The following NUDT5 variants were observed in gnomAD, a reference collection of about 807,000 sequenced individuals.
The protein encoded by NUDT5 is ADP-sugar pyrophosphatase.
A neutral mutation model predicts 34.1 loss-of-function variants in NUDT5; 21 were observed. The ratio of observed to expected loss-of-function variants is 0.62; its 90% confidence interval spans 0.44 to 0.89. The LOEUF is 0.89. Ranked by LOEUF, NUDT5 falls within the 40% of genes least tolerant of loss-of-function variation. The pLI is 0.00. For missense variants in NUDT5, 249 were observed against 274.8 expected, an observed-to-expected ratio of 0.91 and a Z score of 0.66; for synonymous variants, 85 against 97.6, an observed-to-expected ratio of 0.87 and a Z score of 0.76.
rs1158426007 is a variant in NUDT5, at chr10:12,175,014, G to A, written c.290-1201C>T. On this transcript the variant is annotated intron_variant, in intron 5 of 9. Coordinates refer to ENST00000491614, the MANE Select transcript of NUDT5 (RefSeq NM_014142.4). The surrounding 1 kb of genome is among the most constrained non-coding windows in gnomAD (Gnocchi z 4.8). Reference sequence around the variant, plus strand: ...AGCAGCAACGCAGACTCTTTTTCCTGAAAGGAATTAAAAAATATAATAAGG... The same window carrying A: ...AGCAGCAACGCAGACTCTTTTTCCTAAAAGGAATTAAAAAATATAATAAGG... Among the ~76,000 whole-genome samples, 1 of 152,138 alleles carries A rather than the reference G, an allele frequency of 6.6e-6. No individual in the cohort carries two copies. Among genetic ancestry groups the A allele is most frequent in the Non-Finnish European group, 1.5e-5 (1 of 68,022 alleles).
chr10:12,176,908 G>C (rs1158600504), intron 5 of NUDT5, among the ~76,000 whole-genome samples: 1 of 151,864 alleles, frequency 6.6e-6, no homozygotes, highest in African/African-American at 2.4e-5. Context: ...GATCACCTGA[G>C]GTCAGGAGTT....
At chr10:12,194,694 A>G (rs1835299181) in intron 1 of NUDT5, among the ~76,000 whole-genome samples, 1 of 152,232 alleles carries the variant, frequency 6.6e-6, no homozygotes, top group African/African-American at 2.4e-5. Context: ...ATAATTGTTT[A>G]TTATTCTAAG....
At chr10:12,172,174 G>A (rs1446911355) in intron 7 of NUDT5, among the ~76,000 whole-genome samples, 2 of 152,282 alleles carry the variant, frequency 1.3e-5, no homozygotes, top group Admixed American at 6.5e-5. Context: ...GAGACAACAC[G>A]GAATTGACAG....
At position 12,166,611 on chromosome 10, in the gene NUDT5, A is replaced by G. The variant is rs2131690557; in HGVS notation, c.*1091T>C. 2.6e-6 allele frequency: 1 copy of G among 389,480 alleles called. No individual in the cohort carries two copies. The highest frequency in any genetic ancestry group is 5.3e-6 in the Non-Finnish European group (1 of 190,354). 24.1% of individuals were successfully genotyped at this position (389,480 alleles called of 1,614,324 possible). ...GATTTTATCTGGAGAGCCCTTTCAT[A>G]TGGTTCTCAGGGCCTGGCTTACCCG... On this transcript the variant is annotated 3_prime_UTR_variant, in exon 10 of 10. Coordinates refer to ENST00000491614, the MANE Select transcript of NUDT5 (RefSeq NM_014142.4).
At chr10:12,190,781 G>A (rs1835210616) in intron 1 of NUDT5, among the ~76,000 whole-genome samples, 1 of 151,522 alleles carries the variant, frequency 6.6e-6, no homozygotes, top group South Asian at 2.1e-4. Context: ...GCTGATTTTT[G>A]CATTTTTAGT....
At chr10:12,172,415 C>A in intron 7 of NUDT5, 1 of 273,794 alleles carries the variant, frequency 3.7e-6, no homozygotes, top group Non-Finnish European at 7.1e-6. Context: ...GGAACTTAGG[C>A]CATTCTTAAA....
intron 1 of NUDT5, among the ~76,000 whole-genome samples, chr10:12,191,104 C>T (rs1020125438): frequency 6.6e-6 from 1 of 152,250 alleles, no homozygotes; most frequent in Admixed American, 6.5e-5. Flanking sequence ...AAAGGAAAGG[C>T]CGGGCACAGT....
chr10:12,173,727 A>G lies in NUDT5; in HGVS notation c.376T>C (p.Cys126Arg), dbSNP rs762764706. The part of the protein sequence containing the change: ...ETGYKGDIAE[C>R]SPAVCMDPGL... ...TTCAAGCAATACCAACCTGGAGAACATTCGGCAATGTCCCCTTTGTAGCCA... is the reference window on the plus strand; with the variant it reads ...TTCAAGCAATACCAACCTGGAGAACGTTCGGCAATGTCCCCTTTGTAGCCA... Residue 126 changes from cysteine to arginine, a missense_variant, in exon 6 of 10, where the codon TGT (cysteine) becomes CGT (arginine). Coordinates refer to ENST00000491614, the MANE Select transcript of NUDT5 (RefSeq NM_014142.4). The surrounding 1 kb of genome is among the most constrained non-coding windows in gnomAD (Gnocchi z 4.7). 4 of 1,613,258 alleles carry G rather than the reference A, an allele frequency of 2.5e-6. No homozygotes were observed. In the African/African-American group the frequency reaches 4.0e-5, roughly 16 times the overall value.
In NUDT5 at chr10:12,182,705, G is replaced by A. The variant is rs542092577; in HGVS notation, c.131+2184C>T. 5.3e-5 allele frequency among the ~76,000 whole-genome samples: 8 copies of A among 152,234 alleles called. No homozygotes were observed. The highest frequency in any genetic ancestry group is 4.2e-4 in the South Asian group (2 of 4,816). On this transcript the variant is annotated intron_variant, in intron 3 of 9. Coordinates refer to ENST00000491614, the MANE Select transcript of NUDT5 (RefSeq NM_014142.4). The surrounding 1 kb of genome is among the most constrained non-coding windows in gnomAD (Gnocchi z 4.3). ...AGGAAGGGCAGAAGACCAGTCAGGC[G>A]AAGAGATGAGCTGGCGCGAACACAT... is the stretch of plus-strand genomic sequence containing the variant.
chr10:12,193,662 G>C (rs75778849), intron 1 of NUDT5, among the ~76,000 whole-genome samples: 3,910 of 152,156 alleles, frequency 0.026, 169 homozygotes, highest in African/African-American at 0.09. Flanking sequence ...TTTGATGCTG[G>C]TTAAATGTGT....
At chr10:12,184,348 A>C in intron 3 of NUDT5, 2 of 418,586 alleles carry the variant, frequency 4.8e-6, no homozygotes, top group Admixed American at 4.8e-5. Context: ...GGCGTGAGCC[A>C]ACACACCTGG....
At position 12,166,429 on chromosome 10, in the gene NUDT5, C is replaced by G. The variant is rs546571044; in HGVS notation, c.*1273G>C. 4.6e-6 allele frequency: 1 copy of G among 218,798 alleles called. No homozygotes were observed. Among genetic ancestry groups the G allele is most frequent in the Non-Finnish European group, 9.5e-6 (1 of 105,640 alleles). The allele number at this position is 218,798 out of a possible 1,614,324, so 13.6% of individuals were successfully genotyped here. A position where few individuals can be genotyped will look rare whatever the true frequency, so the allele number is the denominator to read the frequency against. On this transcript the variant is annotated 3_prime_UTR_variant, in exon 10 of 10. Transcript: ENST00000491614. ...TAATTTTCACATGTATAGGGCTAGACAGCTTCATCTGTAAAGTTCTGTATT... is the reference window on the plus strand; with the variant it reads ...TAATTTTCACATGTATAGGGCTAGAGAGCTTCATCTGTAAAGTTCTGTATT...
At chr10:12,186,752 C>T (rs1443376316) in intron 1 of NUDT5, among the ~76,000 whole-genome samples, 2 of 151,660 alleles carry the variant, frequency 1.3e-5, no homozygotes, top group Non-Finnish European at 2.9e-5. Context: ...CTCAGCCTCC[C>T]GAGTAGCTGG....
rs567207328 is a variant in NUDT5 at position 12,177,475 on chromosome 10, T to C, written c.289+318A>G. 1.3e-3 allele frequency among the ~76,000 whole-genome samples: 196 copies of C among 150,300 alleles called. 2 individuals carry two copies. The highest frequency in any genetic ancestry group is 3.4e-3 in the African/African-American group (139 of 40,946). On this transcript the variant is annotated intron_variant, in intron 5 of 9. Coordinates refer to ENST00000491614, the MANE Select transcript of NUDT5 (RefSeq NM_014142.4). ...CGGAGGTTGCAGTGAGCCGAGATCG[T>C]GCCACTGCACTCCAGCCTGGGTGAT...
chr10:12,168,246 G>T lies in NUDT5; in HGVS notation c.551-435C>A, dbSNP rs1394881593. Among the ~76,000 whole-genome samples the T allele has an allele frequency of 1.3e-5, 2 of 152,034 alleles. No homozygotes were observed. The highest frequency in any genetic ancestry group is 4.2e-4 in the South Asian group (2 of 4,814). The stretch of plus-strand genomic sequence containing the variant: ...TTGCCATGTTGGCCAGGATGGTTTC[G>T]ATCTCCTGACCTCGTGATCCACCCG... On this transcript the variant is annotated intron_variant, in intron 9 of 9. Coordinates refer to ENST00000491614, the MANE Select transcript of NUDT5 (RefSeq NM_014142.4). This position sits in a 1 kb window ranked among gnomAD's most constrained non-coding sequence, Gnocchi z 4.8.
At chr10:12,191,150 G>A (rs1180431233) in intron 1 of NUDT5, among the ~76,000 whole-genome samples, 1 of 152,046 alleles carries the variant, frequency 6.6e-6, no homozygotes, top group Non-Finnish European at 1.5e-5. Context: ...TGGGGAGGCC[G>A]AGGCGGGTGG....
intron 3 of NUDT5, among the ~76,000 whole-genome samples, chr10:12,180,893 C>T (rs559985482): frequency 2.5e-4 from 38 of 152,298 alleles, no homozygotes; most frequent in African/African-American, 8.4e-4. Context: ...ACACAAGAGG[C>T]GGGAGGGTCA....
chr10:12,165,436 A>G lies in NUDT5; in HGVS notation c.*2266T>C. On this transcript the variant is annotated 3_prime_UTR_variant, in exon 10 of 10. Coordinates refer to ENST00000491614, the MANE Select transcript of NUDT5 (RefSeq NM_014142.4). The stretch of plus-strand genomic sequence containing the variant: ...TTTCTAAGATCATTTGTATAGGTTC[A>G]GTGTATTCATAAGAAGTCCACCCTG... 1 of 876,232 alleles carries G rather than the reference A, an allele frequency of 1.1e-6. No individual in the cohort carries two copies. The highest frequency in any genetic ancestry group is 1.4e-6 in the Non-Finnish European group (1 of 730,724). 54.3% of individuals were successfully genotyped at this position (876,232 alleles called of 1,614,324 possible). A position where few individuals can be genotyped will look rare whatever the true frequency, so the allele number is the denominator to read the frequency against.
At chr10:12,172,281 A>T (rs1208870993) in intron 7 of NUDT5, among the ~76,000 whole-genome samples, 4 of 146,262 alleles carry the variant, frequency 2.7e-5, no homozygotes, top group African/African-American at 1.0e-4. Context: ...TACTTAGGCC[A>T]TTTTTTTTTT....
Sources: gnomAD v4.1 joint callset for allele counts (sites outside exome capture counted in the v4.1 genomes callset) on GRCh38, gnomAD v4.1.1 for gene constraint, Gnocchi (gnomAD v3.1) non-coding constraint, MANE v1.5 for transcripts, NCBI Gene and HGNC (gene_info 2026-07-23, HGNC 2026-07-21) for gene names.